Variants in CRADD observed in about 807,000 individuals in gnomAD.
CRADD encodes the protein death domain-containing protein CRADD.
CRADD carries 9 observed loss-of-function variants against 15.5 expected under a neutral mutation model. That is an observed-to-expected ratio of 0.58 (90% CI 0.35 to 1.01). The LOEUF (loss-of-function observed/expected upper bound fraction) is 1.01. CRADD is among the 50% of genes least tolerant of loss of function. The pLI is 0.02. For missense variants in CRADD, 227 were observed against 250.3 expected (o/e 0.91, Z 0.63); for synonymous variants, 118 against 107.6 (o/e 1.10, Z -0.60).
chr12:93,850,020 G>A lies in CRADD; in HGVS notation c.349G>A (p.Asp117Asn). The change falls in exon 3 of 3, where the codon GAC (aspartate) becomes AAC (asparagine). Residue 117 changes from aspartate to asparagine, a missense_variant. Physicochemically the swap from Asp to Asn is conservative, Grantham distance 23. Coordinates refer to ENST00000332896, the MANE Select transcript of CRADD (RefSeq NM_003805.5). The surrounding 1 kb of genome is among the most constrained non-coding windows in gnomAD (Gnocchi z 4.0). Reference sequence around the variant, plus strand: ...GCACATCCTCAACAGCTCCCCATCAGACCGGCAGATTAACCAGCTGGCCCA... The same window carrying A: ...GCACATCCTCAACAGCTCCCCATCAAACCGGCAGATTAACCAGCTGGCCCA... The part of the protein sequence containing the change: ...PSHILNSSPS[D>N]RQINQLAQRL... 1 of 1,611,926 alleles carries A rather than the reference G, an allele frequency of 6.2e-7. No homozygotes were observed. Among genetic ancestry groups the A allele is most frequent in the Non-Finnish European group, 8.5e-7 (1 of 1,177,980 alleles).
chr12:93,870,520 C>G (rs867576374), intron 2 of CRADD, among the ~76,000 whole-genome samples: 2 of 152,168 alleles, frequency 1.3e-5, no homozygotes, highest in Non-Finnish European at 2.9e-5. Flanking sequence ...GAGCTCTATT[C>G]CTGGTAGACA....
chr12:93,868,769 T>C (rs1002717400), intron 2 of CRADD, among the ~76,000 whole-genome samples: 2 of 151,696 alleles, frequency 1.3e-5, no homozygotes, highest in Non-Finnish European at 2.9e-5. Flanking sequence ...ATTGAACTGG[T>C]TTTTCACCTG....
At chr12:93,767,553 T>C (rs1168516338) in intron 2 of CRADD, among the ~76,000 whole-genome samples, 2 of 152,222 alleles carry the variant, frequency 1.3e-5, no homozygotes, top group African/African-American at 4.8e-5. Context: ...TCACATTAAT[T>C]TTCACAGCAA....
chr12:93,797,940 G>T (rs543396461), intron 2 of CRADD, among the ~76,000 whole-genome samples: 22 of 152,228 alleles, frequency 1.4e-4, no homozygotes, highest in African/African-American at 4.8e-4. Context: ...TGAATCAACT[G>T]TTTCTGTTTT....
chr12:93,742,827 G>T (rs1956696307), intron 2 of CRADD, among the ~76,000 whole-genome samples: 1 of 152,076 alleles, frequency 6.6e-6, no homozygotes, highest in Non-Finnish European at 1.5e-5. Context: ...TTGAAGGGGC[G>T]AGTCAGGTGT....
In CRADD at chr12:93,876,810, C is replaced by T. The variant is rs187668167; in HGVS notation, c.299-17240C>T. On this transcript the variant is annotated intron_variant, in intron 2 of 2. Coordinates refer to the CRADD transcript ENST00000548483. ...GAAAGGTCACATATCTCCATTTTTC[C>T]AGGATTGGTCCCTGATGCCTTATTT... Among the ~76,000 whole-genome samples the T allele has an allele frequency of 7.6e-4, 116 of 152,052 alleles. 2 individuals are homozygous for T. The East Asian group carries it at 0.017, about 22-fold the overall frequency.
At chr12:93,697,291 G>T (rs1244095088) in intron 2 of CRADD, among the ~76,000 whole-genome samples, 1 of 152,208 alleles carries the variant, frequency 6.6e-6, no homozygotes, top group South Asian at 2.1e-4. Context: ...TAAAGGGCTG[G>T]AGGGAACTCG....
intron 2 of CRADD, among the ~76,000 whole-genome samples, chr12:93,867,406 TTTTAAACTTGGAAGTCCA>T (rs1555230476): frequency 1.0e-4 from 15 of 143,912 alleles, no homozygotes; most frequent in East Asian, 8.1e-4. Flanking sequence ...TATATATATT[TTTTAAACTTGGAAGTCCA>T]AGATCAATAT....
chr12:93,833,265 A>G (rs144310389), intron 2 of CRADD, among the ~76,000 whole-genome samples: 5 of 152,358 alleles, frequency 3.3e-5, no homozygotes, highest in African/African-American at 1.2e-4. Flanking sequence ...ATGTTTGCAG[A>G]TGGGAAGATA....
chr12:93,814,878 AT>A (rs1281315567), intron 2 of CRADD, among the ~76,000 whole-genome samples: 2 of 152,228 alleles, frequency 1.3e-5, no homozygotes, highest in African/African-American at 4.8e-5. Context: ...AAAAATTACC[AT>A]TCCTAGATCT....
At chr12:93,858,042 A>G (rs2137056930) in intron 2 of CRADD, among the ~76,000 whole-genome samples, 1 of 152,310 alleles carries the variant, frequency 6.6e-6, no homozygotes, top group African/African-American at 2.4e-5. Context: ...ACTGAGCTTC[A>G]TGCTGGTTTT....
chr12:93,882,823 C>T (rs534923443), intron 2 of CRADD, among the ~76,000 whole-genome samples: 3 of 152,322 alleles, frequency 2.0e-5, no homozygotes, highest in African/African-American at 7.2e-5. Flanking sequence ...TTAGGTCCAG[C>T]TTGAGATTCC....
chr12:93,765,064 T>C (rs976242482), intron 2 of CRADD, among the ~76,000 whole-genome samples: 7 of 152,194 alleles, frequency 4.6e-5, no homozygotes, highest in Admixed American at 2.0e-4. Context: ...AAATTTAAAA[T>C]CTTGAGCATG....
At chr12:93,740,777 GT>G (rs1174961961) in intron 2 of CRADD, among the ~76,000 whole-genome samples, 8 of 152,142 alleles carry the variant, frequency 5.3e-5, no homozygotes, top group African/African-American at 1.7e-4. Flanking sequence ...TGTAACTATA[GT>G]TTTTTTCTAA....
chr12:93,838,719 T>A (rs886302320), intron 2 of CRADD, among the ~76,000 whole-genome samples: 1 of 152,104 alleles, frequency 6.6e-6, no homozygotes, highest in Non-Finnish European at 1.5e-5. Flanking sequence ...TATTCCTTTA[T>A]TTGTGTGTGT....
intron 2 of CRADD, among the ~76,000 whole-genome samples, chr12:93,732,419 T>G (rs920668094): frequency 6.6e-6 from 1 of 152,194 alleles, no homozygotes; most frequent in African/African-American, 2.4e-5. Context: ...TGGTTGCAGA[T>G]CGTTCTAAAG....
chr12:93,892,880 A>C (rs1056964521), intron 2 of CRADD, among the ~76,000 whole-genome samples: 1 of 152,172 alleles, frequency 6.6e-6, no homozygotes, highest in African/African-American at 2.4e-5. Flanking sequence ...CCATGGGCCC[A>C]TTATGGAAAA....
intron 2 of CRADD, among the ~76,000 whole-genome samples, chr12:93,682,732 T>C (rs1160407856): frequency 6.6e-6 from 1 of 151,904 alleles, no homozygotes; most frequent in Non-Finnish European, 1.5e-5. Flanking sequence ...CCCCATCAAA[T>C]CTCAAAACAT....
At chr12:93,749,233 T>G (rs1025757397) in intron 2 of CRADD, among the ~76,000 whole-genome samples, 2 of 152,104 alleles carry the variant, frequency 1.3e-5, no homozygotes, top group African/African-American at 4.8e-5. Context: ...GCCAGTAGCC[T>G]CCTAGCTAGA....
Sources: allele counts gnomAD v4.1 joint callset (sites outside exome capture counted in the v4.1 genomes callset), GRCh38; gene constraint gnomAD v4.1.1; non-coding constraint Gnocchi (gnomAD v3.1); transcripts MANE v1.5; gene names NCBI Gene and HGNC (gene_info 2026-07-23, HGNC 2026-07-21).